The following VHL variants were observed in gnomAD, a reference collection of about 807,000 sequenced individuals.
VHL encodes von Hippel-Lindau tumor suppressor.
A neutral mutation model predicts 19.2 loss-of-function variants in VHL; 10 were observed. The ratio of observed to expected loss-of-function variants is 0.52; its 90% CI spans 0.32 to 0.89. The LOEUF (loss-of-function observed/expected upper bound fraction) is 0.89, where lower values mean the gene tolerates loss of function less well. Ranked by LOEUF, VHL falls within the 40% of genes least tolerant of loss-of-function variation. VHL has a pLI of 0.03. For missense variants in VHL, 328 were observed against 292.7 expected (o/e 1.12, Z -0.88); for synonymous variants, 167 against 129.5 (o/e 1.29, Z -1.97).
intron 2 of VHL, among the ~76,000 whole-genome samples, chr3:10,149,108 T>G (rs1449188565): frequency 1.4e-5 from 2 of 145,610 alleles, no homozygotes; most frequent in East Asian, 4.3e-4. Context: ...TTTTTTTTTC[T>G]CTTTTCTTTT....
rs138780791 is a variant in VHL at position 10,149,952 on chromosome 3, G to A, written c.629G>A (p.Arg210Gln). Residue 210 changes from arginine to glutamine, a missense_variant, in exon 3 of 3, where the codon CGG becomes CAG. Coordinates refer to ENST00000256474, the MANE Select transcript of VHL (RefSeq NM_000551.4). The stretch of plus-strand genomic sequence containing the variant: ...ACACAGGAGCGCATTGCACATCAAC[G>A]GATGGGAGATTGAAGATTTCTGTTG... Reference protein sequence around the residue: ...RLTQERIAHQRMGD With the variant: ...RLTQERIAHQQMGD 1.2e-4 allele frequency: 188 copies of A among 1,613,804 alleles called. No homozygotes were observed. The highest frequency in any genetic ancestry group is 1.7e-4 in the African/African-American group (13 of 75,046).
At chr3:10,144,519 C>T (rs1473838846) in intron 1 of VHL, among the ~76,000 whole-genome samples, 1 of 79,764 alleles carries the variant, frequency 1.3e-5, no homozygotes, top group Non-Finnish European at 2.3e-5. Context: ...TTTTTTGAGA[C>T]AGGATGTCCT....
At position 10,152,621 on chromosome 3, in the gene VHL, T is replaced by C. The variant is rs1696442224; in HGVS notation, c.*2656T>C. 6.8e-6 allele frequency among the ~76,000 whole-genome samples: 1 copy of C among 146,712 alleles called. No homozygotes were observed. Among genetic ancestry groups the C allele is most frequent in the African/African-American group, 2.5e-5 (1 of 40,118 alleles). ...GATTCTCCTGGCTCACCCTCCTGAG[T>C]AGCTGGGATTACAGGCGCCTGCCAC... On this transcript the variant is annotated 3_prime_UTR_variant, in exon 3 of 3. Transcript: ENST00000256474.
chr3:10,143,199 C>A (rs1696170744), intron 1 of VHL, among the ~76,000 whole-genome samples: 1 of 151,612 alleles, frequency 6.6e-6, no homozygotes. Context: ...GGCGCGATTG[C>A]GGCTCATTGC....
intron 1 of VHL, among the ~76,000 whole-genome samples, 153 bp downstream of exon 1, chr3:10,142,340 TC>T (rs1465934030): frequency 8.3e-5 from 9 of 108,560 alleles, no homozygotes; most frequent in Non-Finnish European, 1.3e-4. Context: ...GTCAGAGCAT[TC>T]TTTTTTTTTT....
rs1696405143 is a variant in VHL at position 10,151,347 on chromosome 3, A to G, written c.*1382A>G. On this transcript the variant is annotated 3_prime_UTR_variant, in exon 3 of 3. Coordinates refer to ENST00000256474, the MANE Select transcript of VHL (RefSeq NM_000551.4). ...TTAACTCAAATTCAATGCTTCTATC[A>G]GACTCAGTTTTTTGTAACTAATAGA... 1 of 215,770 alleles carries G rather than the reference A, an allele frequency of 4.6e-6. No homozygotes were observed. Among genetic ancestry groups the G allele is most frequent in the Non-Finnish European group, 9.3e-6 (1 of 107,222 alleles). The allele number at this position is 215,770 out of a possible 1,614,324, so 13.4% of individuals were successfully genotyped here.
chr3:10,144,266 A>T (rs1696199243), intron 1 of VHL, among the ~76,000 whole-genome samples: 1 of 151,808 alleles, frequency 6.6e-6, no homozygotes, highest in Non-Finnish European at 1.5e-5. Context: ...CAGGAGCTGG[A>T]GACCAGCCTG....
intron 2 of VHL, among the ~76,000 whole-genome samples, chr3:10,148,845 G>A (rs1696330741): frequency 1.3e-5 from 2 of 151,622 alleles, no homozygotes; most frequent in African/African-American, 2.4e-5. Context: ...CTAATTTTTT[G>A]CATTTTAGTG....
chr3:10,148,515 C>T (rs1004488394), intron 2 of VHL, among the ~76,000 whole-genome samples: 17 of 150,968 alleles, frequency 1.1e-4, no homozygotes, highest in Non-Finnish European at 1.8e-4. Flanking sequence ...GGGGTTTCAC[C>T]GTTTTAGCCG....
Position 10,153,186 on chromosome 3 carries a change from G to A in VHL, c.*3221G>A, listed in dbSNP as rs1423882673. On this transcript the variant is annotated 3_prime_UTR_variant, in exon 3 of 3. Transcript: ENST00000256474. ...CCAGCTACTCGAGAGCCTGAGGCAG[G>A]AGAATGGCATGAACCTGGAAGGCGG... Among the ~76,000 whole-genome samples the A allele has an allele frequency of 6.6e-6, 1 of 152,106 alleles. No homozygotes were observed. The highest frequency in any genetic ancestry group is 1.5e-5 in the Non-Finnish European group (1 of 68,010).
chr3:10,143,608 C>T (rs1696181905), intron 1 of VHL, among the ~76,000 whole-genome samples: 1 of 152,114 alleles, frequency 6.6e-6, no homozygotes, highest in Non-Finnish European at 1.5e-5. Flanking sequence ...CTACCATTCC[C>T]AGCTAATTTT....
At chr3:10,143,983 T>G (rs1696191355) in intron 1 of VHL, among the ~76,000 whole-genome samples, 2 of 152,108 alleles carry the variant, frequency 1.3e-5, no homozygotes, top group Admixed American at 1.3e-4. Context: ...TACAAAGGAT[T>G]TTTGCAAGGA....
In VHL at chr3:10,146,734, G is replaced by A. The variant is rs1186325956; in HGVS notation, c.463+98G>A. The A allele has an allele frequency of 4.9e-6, 7 of 1,436,906 alleles. No homozygotes were observed. The South Asian group carries it at 5.7e-5, about 12-fold the overall frequency. The allele number at this position is 1,436,906 out of a possible 1,614,324, so 89.0% of individuals were successfully genotyped here. A position where few individuals can be genotyped will look rare whatever the true frequency, so the allele number is the denominator to read the frequency against. On this transcript the variant is annotated intron_variant, in intron 2 of 2. Coordinates refer to ENST00000256474, the MANE Select transcript of VHL (RefSeq NM_000551.4). ...GCCCAGTTCTCAATTTTTGCCTGAT[G>A]TCAGGCACGTTATCCAATCTTTTTG...
intron 2 of VHL, among the ~76,000 whole-genome samples, 173 bp downstream of exon 2, chr3:10,146,809 A>G (rs1266277514): frequency 1.3e-5 from 2 of 152,050 alleles, no homozygotes; most frequent in Non-Finnish European, 1.5e-5. Flanking sequence ...TTTGTACGTT[A>G]TGTGTTAAAG....
chr3:10,144,430 G>A (rs1199784544), intron 1 of VHL, among the ~76,000 whole-genome samples: 3 of 151,788 alleles, frequency 2.0e-5, no homozygotes, highest in African/African-American at 7.3e-5. Flanking sequence ...GAACTATGAT[G>A]GTGCCTCTGA....
chr3:10,144,122 G>A (rs1271663017), intron 1 of VHL, among the ~76,000 whole-genome samples: 1 of 152,014 alleles, frequency 6.6e-6, no homozygotes, highest in Non-Finnish European at 1.5e-5. Flanking sequence ...ATAGGAAATT[G>A]TATGAATTTT....
Position 10,148,773 on chromosome 3 carries a change from C to T in VHL, c.464-1014C>T, listed in dbSNP as rs184276409. Among the ~76,000 whole-genome samples the T allele has an allele frequency of 8.6e-5, 13 of 150,394 alleles. 1 individual carries two copies. In the East Asian group the frequency reaches 9.8e-4, roughly 11 times the overall value. ...TTGGCTCACTGCAACCTCTGCCTCTCGGGTTCAAGCGATTCTCCTGCTTCA... is the reference window on the plus strand; with the variant it reads ...TTGGCTCACTGCAACCTCTGCCTCTTGGGTTCAAGCGATTCTCCTGCTTCA... On this transcript the variant is annotated intron_variant, in intron 2 of 2. Transcript: ENST00000256474.
rs71052299 is a variant in VHL at position 10,152,481 on chromosome 3, CTTTTTTTTTTTTTTT to C, written c.*2531_*2545del. ...CTCCTTTCAACATTCAACAAATAGT[CTTTTTTTTTTTTTTT>C]TTTTTTTTTTTTTTGAGATGGAGTC... On this transcript the variant is annotated 3_prime_UTR_variant, in exon 3 of 3. Transcript: ENST00000256474. Among the ~76,000 whole-genome samples, 3 of 64,452 alleles carry C rather than the reference CTTTTTTTTTTTTTTT, an allele frequency of 4.7e-5. No individual in the cohort carries two copies. Among genetic ancestry groups the C allele is most frequent in the African/African-American group, 1.3e-4 (2 of 15,538 alleles). The allele number at this position is 64,452 out of a possible 152,430, so 42.3% of individuals were successfully genotyped here.
In VHL at chr3:10,153,497, G is replaced by A. The variant is rs1400379035; in HGVS notation, c.*3532G>A. Among the ~76,000 whole-genome samples, 2 of 152,006 alleles carry A rather than the reference G, an allele frequency of 1.3e-5. No individual in the cohort carries two copies. The highest frequency in any genetic ancestry group is 4.8e-5 in the African/African-American group (2 of 41,400). The stretch of plus-strand genomic sequence containing the variant: ...TACTGTGTTTTTGGTGTTGTCCAAG[G>A]AAAATTAAAAACCTGTAGCATGAAT... On this transcript the variant is annotated 3_prime_UTR_variant, in exon 3 of 3. Transcript: ENST00000256474.
Sources: allele counts gnomAD v4.1 joint callset (sites outside exome capture counted in the v4.1 genomes callset), GRCh38; gene constraint gnomAD v4.1.1; transcripts MANE v1.5; gene names NCBI Gene and HGNC (gene_info 2026-07-23, HGNC 2026-07-21).